The following TTC7A variants were observed in gnomAD, a reference collection of about 807,000 sequenced individuals.
The protein encoded by TTC7A is tetratricopeptide repeat protein 7A.
A neutral mutation model predicts 103.7 loss-of-function variants in TTC7A; 110 were observed. The observed-to-expected ratio is 1.06, with a 90% confidence interval of 0.91 to 1.24. TTC7A has a LOEUF of 1.24. Among genes scored for constraint, TTC7A ranks in the 50% most tolerant of loss-of-function variants. TTC7A has a pLI of 0.00. For missense variants in TTC7A, 1,340 were observed against 1,116.3 expected (o/e 1.20, Z -2.86); for synonymous variants, 521 against 467.9 (o/e 1.11, Z -1.47).
At chr2:47,023,902 T>C (rs1354789755) in intron 13 of TTC7A, among the ~76,000 whole-genome samples, 9 of 122,222 alleles carry the variant, frequency 7.4e-5, no homozygotes, top group African/African-American at 2.5e-4. Flanking sequence ...CCTACAGGGA[T>C]TTCCTGGCAT....
chr2:47,043,889 A>G (rs1173853960), intron 15 of TTC7A, among the ~76,000 whole-genome samples: 2 of 152,220 alleles, frequency 1.3e-5, no homozygotes, highest in African/African-American at 4.8e-5. Context: ...TTTGCCAGGC[A>G]CATGGTGTGG....
chr2:46,950,590 A>C, intron 2 of TTC7A, 64 bp downstream of exon 2: 1 of 1,552,318 alleles, frequency 6.4e-7, no homozygotes. Flanking sequence ...GCATCTGTCC[A>C]GTCCTCCCTG....
At chr2:47,032,580 A>G (rs188049614) in intron 15 of TTC7A, among the ~76,000 whole-genome samples, 3 of 151,796 alleles carry the variant, frequency 2.0e-5, no homozygotes, top group Middle Eastern at 3.4e-3. Context: ...GCAACCTGTC[A>G]CTCACCGTAG....
intron 3 of TTC7A, among the ~76,000 whole-genome samples, chr2:46,974,094 C>G (rs1187282675): frequency 6.6e-6 from 1 of 152,214 alleles, no homozygotes; most frequent in Non-Finnish European, 1.5e-5. Context: ...AAAATTGTAA[C>G]TGAAATGCAG....
At chr2:47,061,868 G>A (rs1683809641) in intron 19 of TTC7A, among the ~76,000 whole-genome samples, 1 of 152,174 alleles carries the variant, frequency 6.6e-6, no homozygotes, top group African/African-American at 2.4e-5. Context: ...ATCTGCACAA[G>A]TGATTTTTGA....
intron 1 of TTC7A, among the ~76,000 whole-genome samples, chr2:46,945,687 G>A (rs907512987): frequency 1.3e-5 from 2 of 152,134 alleles, no homozygotes; most frequent in African/African-American, 4.8e-5. Context: ...CACCGTGCCC[G>A]GTCTTTGAGT....
intron 5 of TTC7A, among the ~76,000 whole-genome samples, chr2:46,993,014 C>T (rs1265180684): frequency 6.6e-6 from 1 of 152,156 alleles, no homozygotes; most frequent in Non-Finnish European, 1.5e-5. Context: ...TGAGGCAGGC[C>T]AGCCTGGGGC....
At chr2:47,037,063 C>T (rs1041014200) in intron 15 of TTC7A, among the ~76,000 whole-genome samples, 56 of 152,168 alleles carry the variant, frequency 3.7e-4, no homozygotes, top group African/African-American at 1.3e-3. Context: ...GTCAGGCTGG[C>T]CCCTCTCTCC....
chr2:47,047,131 A>G (rs748096345), intron 16 of TTC7A: 1 of 621,518 alleles, frequency 1.6e-6, no homozygotes, highest in East Asian at 2.8e-5. Flanking sequence ...TGTGGCCCAA[A>G]GGGAAAGTGG....
intron 5 of TTC7A, among the ~76,000 whole-genome samples, chr2:46,991,209 C>T (rs1053249180): frequency 5.3e-5 from 8 of 151,860 alleles, no homozygotes; most frequent in African/African-American, 4.8e-5. Context: ...AGCCACCACA[C>T]GTGGCCCACC....
At chr2:47,057,675 C>T (rs1228126224) in intron 18 of TTC7A, among the ~76,000 whole-genome samples, 1 of 152,172 alleles carries the variant, frequency 6.6e-6, no homozygotes, top group African/African-American at 2.4e-5. Flanking sequence ...AAAAGTCACA[C>T]CCACACACTT....
intron 5 of TTC7A, among the ~76,000 whole-genome samples, chr2:46,986,524 G>A (rs1380866060): frequency 3.3e-5 from 5 of 151,980 alleles, no homozygotes; most frequent in African/African-American, 1.2e-4. Flanking sequence ...GGGGAAAGAG[G>A]CAGAGAGGTG....
chr2:46,952,393 T>G lies in TTC7A; in HGVS notation c.348+1867T>G, dbSNP rs546695099. Among the ~76,000 whole-genome samples, 4 of 152,310 alleles carry G rather than the reference T, an allele frequency of 2.6e-5. No homozygotes were observed. The South Asian group carries it at 8.3e-4, about 32-fold the overall frequency. ...TTAAATTAAATATTTAAAAATTGTT[T>G]TTAAAATAAACATGATTCAGCCTTA... On this transcript the variant is annotated intron_variant, in intron 2 of 19. Transcript: ENST00000319190.
At position 47,019,418 on chromosome 2, in the gene TTC7A, A is replaced by G. The variant is rs1043940672; in HGVS notation, c.1393-2444A>G. ...AAAAAGAAATTAAATTATGTTGGCC[A>G]TATAGGGAGATGGTACATTAAGCCT... On this transcript the variant is annotated intron_variant, in intron 11 of 19. Coordinates refer to ENST00000319190, the MANE Select transcript of TTC7A (RefSeq NM_020458.4). Among the ~76,000 whole-genome samples, 53 of 152,260 alleles carry G rather than the reference A, an allele frequency of 3.5e-4. 1 individual carries two copies. The highest frequency in any genetic ancestry group is 1.3e-3 in the African/African-American group (53 of 41,546).
chr2:46,951,378 A>G (rs1176139476), intron 2 of TTC7A, among the ~76,000 whole-genome samples: 2 of 152,068 alleles, frequency 1.3e-5, no homozygotes, highest in Admixed American at 6.5e-5. Flanking sequence ...TGGGTGATTC[A>G]TATGTGCATC....
intron 3 of TTC7A, among the ~76,000 whole-genome samples, chr2:46,960,506 G>A (rs559021076): frequency 6.6e-6 from 1 of 152,332 alleles, no homozygotes; most frequent in Admixed American, 6.5e-5. Flanking sequence ...GGGGGAAGCA[G>A]GATGATCACA....
chr2:47,063,219 C>T (rs762202721), intron 19 of TTC7A, among the ~76,000 whole-genome samples: 1 of 152,274 alleles, frequency 6.6e-6, no homozygotes, highest in South Asian at 2.1e-4. Context: ...TTGCATGCTC[C>T]TGGTGTCCCC....
intron 2 of TTC7A, among the ~76,000 whole-genome samples, chr2:46,931,587 A>G (rs886390716): frequency 1.3e-5 from 2 of 152,156 alleles, no homozygotes; most frequent in African/African-American, 4.8e-5. Context: ...AGATGTAGAA[A>G]GGGGTCACCA....
rs986614490 is a variant in TTC7A at position 47,007,179 on chromosome 2, A to C, written c.1287+455A>C. 7.0e-4 allele frequency among the ~76,000 whole-genome samples: 106 copies of C among 152,092 alleles called. No individual in the cohort carries two copies. The highest frequency in any genetic ancestry group is 9.4e-4 in the Non-Finnish European group (64 of 68,014). The stretch of plus-strand genomic sequence containing the variant: ...AGCTTAAAGGGCAGAGCAGAACAGC[A>C]GCACCCACAAGGGAGTTCGGAGGGA... On this transcript the variant is annotated intron_variant, in intron 10 of 19. Transcript: ENST00000319190. The surrounding 1 kb of genome is among the most constrained non-coding windows in gnomAD (Gnocchi z 4.9).
Sources: gnomAD v4.1 joint callset for allele counts (sites outside exome capture counted in the v4.1 genomes callset) on GRCh38, gnomAD v4.1.1 for gene constraint, Gnocchi (gnomAD v3.1) non-coding constraint, MANE v1.5 for transcripts, NCBI Gene and HGNC (gene_info 2026-07-23, HGNC 2026-07-21) for gene names.